Variants in ZNF28 observed in about 807,000 individuals in gnomAD.
ZNF28 encodes the protein zinc finger protein KOX24.
Under a neutral mutation model 7.2 loss-of-function variants are expected in ZNF28, and 5 were observed. The ratio of observed to expected loss-of-function variants is 0.70; its 90% CI spans 0.36 to 1.46. ZNF28 has a LOEUF of 1.46. ZNF28 is among the 40% of genes most tolerant of loss of function. The pLI is 0.03. For missense variants in ZNF28, 879 were observed against 866.6 expected (o/e 1.01, Z -0.18); for synonymous variants, 288 against 292.4 (o/e 0.99, Z 0.15).
At position 52,810,203 on chromosome 19, in the gene ZNF28, G is replaced by A. The variant is rs1404635267; in HGVS notation, c.16-2070C>T. 5 of 1,059,954 alleles carry A rather than the reference G, an allele frequency of 4.7e-6. No homozygotes were observed. The South Asian group carries it at 5.0e-5, about 11-fold the overall frequency. 65.7% of individuals were successfully genotyped at this position (1,059,954 alleles called of 1,614,324 possible). The stretch of plus-strand genomic sequence containing the variant: ...TGGAGGAAGAAGCTGAGAAGCTAAA[G>A]GAGCTACAGAACGACGTAGAGAAGC... On this transcript the variant is annotated intron_variant, in intron 2 of 3. Coordinates refer to ENST00000457749, the MANE Select transcript of ZNF28 (RefSeq NM_006969.5).
rs766688235 is a variant in ZNF28, at chr19:52,801,575, A to G, written c.270T>C (p.Ile90=). The change falls in exon 4 of 4, where the codon ATT becomes ATC. Residue 90 remains isoleucine, a synonymous_variant. Coordinates refer to ENST00000457749, the MANE Select transcript of ZNF28 (RefSeq NM_006969.5). ...ACTGGAAGCCATGAATGTCTTTCTC[A>G]ATTTTCTGGAAGCAAAAATCTCCAA... is the stretch of plus-strand genomic sequence containing the variant. ...HHIGDFCFQK[I]EKDIHGFQFQ... 3.1e-6 allele frequency: 5 copies of G among 1,613,958 alleles called. No homozygotes were observed. The highest frequency in any genetic ancestry group is 4.2e-6 in the Non-Finnish European group (5 of 1,180,016).
intron 3 of ZNF28, among the ~76,000 whole-genome samples, chr19:52,803,910 T>A (rs997039491): frequency 1.3e-5 from 2 of 151,996 alleles, no homozygotes; most frequent in East Asian, 1.9e-4. Context: ...TGAGCTGAGA[T>A]CATGCCACTG....
In ZNF28 at chr19:52,797,676, T is replaced by C. The variant is rs1008521572; in HGVS notation, c.*2012A>G. 6.5e-6 allele frequency: 1 copy of C among 154,788 alleles called. No homozygotes were observed. The highest frequency in any genetic ancestry group is 1.5e-5 in the Non-Finnish European group (1 of 68,060). 9.6% of individuals were successfully genotyped at this position (154,788 alleles called of 1,614,324 possible). On this transcript the variant is annotated 3_prime_UTR_variant, in exon 4 of 4. Coordinates refer to ENST00000457749, the MANE Select transcript of ZNF28 (RefSeq NM_006969.5). ...AAGGTGAGAAGTTTGTACCTTGAAATCTACAAACATTGATCAAAATGATTA... is the reference window on the plus strand; with the variant it reads ...AAGGTGAGAAGTTTGTACCTTGAAACCTACAAACATTGATCAAAATGATTA...
At chr19:52,817,808 A>G in intron 2 of ZNF28, 136 bp downstream of exon 2, 1 of 1,546,432 alleles carries the variant, frequency 6.5e-7, no homozygotes, top group Admixed American at 1.7e-5. Flanking sequence ...GATGAGATGA[A>G]CTGAAGGAAG....
chr19:52,809,822 A>AGGCGGCGGC lies in ZNF28; in HGVS notation c.16-1698_16-1690dup, dbSNP rs112288552. The AGGCGGCGGC allele has an allele frequency of 4.7e-4, 247 of 527,342 alleles. 4 individuals carry two copies. Among genetic ancestry groups the AGGCGGCGGC allele is most frequent in the Middle Eastern group, 3.7e-3 (7 of 1,914 alleles). The allele number at this position is 527,342 out of a possible 1,614,324, so 32.7% of individuals were successfully genotyped here. A position where few individuals can be genotyped will look rare whatever the true frequency, so the allele number is the denominator to read the frequency against. On this transcript the variant is annotated intron_variant, in intron 2 of 3. Coordinates refer to ENST00000457749, the MANE Select transcript of ZNF28 (RefSeq NM_006969.5). Reference sequence around the variant, plus strand: ...AAAAGGAGCCCAGTCTGAGCGGCGAAGGCGGCGGCGGCGGCGGTGGCGGTG... The same window carrying AGGCGGCGGC: ...AAAAGGAGCCCAGTCTGAGCGGCGAAGGCGGCGGCGGCGGCGGCGGCGGCGGTGGCGGTG...
chr19:52,816,450 G>C (rs2063125020), intron 2 of ZNF28, among the ~76,000 whole-genome samples: 1 of 145,502 alleles, frequency 6.9e-6, no homozygotes, highest in African/African-American at 2.7e-5. Context: ...GGATAACGAG[G>C]TCAGGAGATT....
At chr19:52,808,209 A>G in intron 2 of ZNF28, 76 bp from the exon 3 acceptor site, 2 of 1,587,112 alleles carry the variant, frequency 1.3e-6, no homozygotes. Flanking sequence ...AGAGAGGGGG[A>G]AAGCATGGAT....
rs1364413869 is a variant in ZNF28, at chr19:52,811,399, A to C, written c.16-3266T>G. On this transcript the variant is annotated intron_variant, in intron 2 of 3. Coordinates refer to ENST00000457749, the MANE Select transcript of ZNF28 (RefSeq NM_006969.5). ...CCCTCTGCCTGGCTGCCCAGTCTGG[A>C]AAGTGAGGAGCGTCTCTGCCCGGCC... Among the ~76,000 whole-genome samples the C allele has an allele frequency of 2.1e-3, 284 of 133,356 alleles. 1 individual carries two copies. Among genetic ancestry groups the C allele is most frequent in the African/African-American group, 8.5e-3 (258 of 30,188 alleles). The allele number at this position is 133,356 out of a possible 152,430, so 87.5% of individuals were successfully genotyped here.
intron 2 of ZNF28, chr19:52,810,333 T>G: frequency 1.2e-6 from 2 of 1,602,708 alleles, no homozygotes; most frequent in South Asian, 2.2e-5. Context: ...CAATGTGGAC[T>G]GCGGTGCAAC....
chr19:52,802,393 A>C (rs1278778558), intron 3 of ZNF28, among the ~76,000 whole-genome samples: 1 of 152,014 alleles, frequency 6.6e-6, no homozygotes, highest in Non-Finnish European at 1.5e-5. Context: ...CAAACAACAA[A>C]AAAAGGCAGG....
intron 3 of ZNF28, among the ~76,000 whole-genome samples, chr19:52,806,909 G>A (rs1381077144): frequency 6.6e-6 from 1 of 152,080 alleles, no homozygotes; most frequent in African/African-American, 2.4e-5. Context: ...CATAAAAAAA[G>A]AGAGAAAGAA....
intron 3 of ZNF28, among the ~76,000 whole-genome samples, chr19:52,807,377 A>G (rs2062950251): frequency 6.6e-6 from 1 of 152,214 alleles, no homozygotes; most frequent in Admixed American, 6.5e-5. Context: ...AATATGTAGT[A>G]TGTGGACATC....
At position 52,801,683 on chromosome 19, in the gene ZNF28, C is replaced by T. The variant is rs144732231; in HGVS notation, c.162G>A (p.Met54Ile). ...LVSLDISSKC[M>I]MKTFFSTGQG... is the part of the protein sequence containing the mutation. Reference sequence around the variant, plus strand: ...GCCCTGTTGAGAAGAATGTCTTCATCATGCATTTGGAAGAGATATCTACAA... The same window carrying T: ...GCCCTGTTGAGAAGAATGTCTTCATTATGCATTTGGAAGAGATATCTACAA... The change falls in exon 4 of 4, where the codon ATG becomes ATA. Residue 54 changes from methionine (M) to isoleucine (I), a missense_variant. Transcript: ENST00000457749. The T allele has an allele frequency of 1.9e-4, 299 of 1,611,572 alleles. 1 individual carries two copies. The African/African-American group carries it at 3.5e-3, about 19-fold the overall frequency.
Position 52,800,913 on chromosome 19 carries a change from T to C in ZNF28, c.932A>G (p.Lys311Arg). 3.7e-6 allele frequency: 6 copies of C among 1,614,146 alleles called. No homozygotes were observed. Among genetic ancestry groups the C allele is most frequent in the Non-Finnish European group, 5.1e-6 (6 of 1,180,002 alleles). ...TATCTTATGTGTTTCAAGGTGTGAT[T>C]TGCGACTGAAAACTTTGTCACATTC... ...CEECDKVFSR[K>R]SHLETHKIIY... Residue 311 changes from lysine to arginine, a missense_variant, in exon 4 of 4, where the codon AAA (lysine) becomes AGA (arginine). This residue lies in a region of ZNF28 where 864 missense variants were observed against 830.2 expected (regional missense o/e 1.04). Transcript: ENST00000457749.
intron 2 of ZNF28, chr19:52,809,835 G>GAT: frequency 3.6e-6 from 2 of 559,638 alleles, no homozygotes; most frequent in East Asian, 6.4e-5. Context: ...CGGCGGCGGC[G>GAT]GCGGTGGCGG....
chr19:52,809,822 A>AGGCAGCGGCGGCGGCGGCGGC (rs202197218), intron 2 of ZNF28: 3 of 527,232 alleles, frequency 5.7e-6, no homozygotes, highest in Non-Finnish European at 1.0e-5. Context: ...TGAGCGGCGA[A>AGGCAGCGGCGGCGGCGGCGGC]GGCGGCGGCG....
At chr19:52,811,706 G>A (rs1387723853) in intron 2 of ZNF28, among the ~76,000 whole-genome samples, 3 of 148,242 alleles carry the variant, frequency 2.0e-5, no homozygotes, top group African/African-American at 7.7e-5. Context: ...CAACCACCCC[G>A]TCTGGGAAGT....
At chr19:52,808,269 CATG>C (rs1189355660) in intron 2 of ZNF28, 136 bp from the exon 3 acceptor site, 43 of 1,486,824 alleles carry the variant, frequency 2.9e-5, no homozygotes, top group Non-Finnish European at 3.9e-5. Context: ...TTTTTCACCA[CATG>C]ATGTTTTTAT....
chr19:52,811,856 G>C, intron 2 of ZNF28, among the ~76,000 whole-genome samples: 1 of 141,126 alleles, frequency 7.1e-6, no homozygotes, highest in Non-Finnish European at 1.5e-5. Flanking sequence ...GGACCCCTCT[G>C]CCCGGCCAGC....
Sources: gnomAD v4.1 joint callset for allele counts (sites outside exome capture counted in the v4.1 genomes callset) on GRCh38, gnomAD v4.1.1 for gene constraint, gnomAD v4.1.1 regional missense constraint, MANE v1.5 for transcripts, NCBI Gene and HGNC (gene_info 2026-07-23, HGNC 2026-07-21) for gene names.